The following PHIP variants were observed in gnomAD, a reference collection of about 807,000 sequenced individuals.
PHIP encodes PH-interacting protein.
In PHIP, 54 loss-of-function variants were observed where a neutral mutation model predicts 236.8. That is an observed-to-expected ratio of 0.23 (90% CI 0.18 to 0.29). PHIP has a LOEUF of 0.29. Ranked by LOEUF, PHIP falls within the 10% of genes least tolerant of loss-of-function variation. PHIP has a pLI of 1.00. For synonymous variants in PHIP, 756 were observed against 718.9 expected, an observed-to-expected ratio of 1.05 and a Z score of -0.83; for missense variants, 1,370 against 2,190.8, an observed-to-expected ratio of 0.63 and a Z score of 7.48.
intron 6 of PHIP, among the ~76,000 whole-genome samples, chr6:79,049,866 G>C (rs1772697471): frequency 6.6e-6 from 1 of 152,146 alleles, no homozygotes; most frequent in South Asian, 2.1e-4. Context: ...ATTTCTATCA[G>C]ATAAATGTAT....
At chr6:79,000,331 A>G (rs1224093548) in intron 17 of PHIP, among the ~76,000 whole-genome samples, 1 of 151,942 alleles carries the variant, frequency 6.6e-6, no homozygotes, top group East Asian at 1.9e-4. Flanking sequence ...CATTTTTAAG[A>G]TTATGCCTAT....
At chr6:79,059,591 T>TTATTTATATATATATATA (rs1235977083) in intron 6 of PHIP, among the ~76,000 whole-genome samples, 5 of 84,756 alleles carry the variant, frequency 5.9e-5, no homozygotes, top group African/African-American at 2.4e-4. Flanking sequence ...GAAAGCAAAA[T>TTATTTATATATATATATA]TATATATATA....
rs769344926 is a variant in PHIP at position 78,945,302 on chromosome 6, T to G, written c.4826A>C (p.Gln1609Pro). Residue 1609 changes from glutamine (Q) to proline (P), a missense_variant and splice_region_variant, in exon 39 of 40, where the codon CAA becomes CCA. Transcript: ENST00000275034. ...GAAAGATACAAGTAATACCTTACCT[T>G]GCTCAATGACAGCTGATGACTTTGA... The part of the protein sequence containing the change: ...TLSKSSAVIE[Q>P]GDCKNNALVP... 5.0e-6 allele frequency: 8 copies of G among 1,600,698 alleles called. No individual in the cohort carries two copies. In the East Asian group the frequency reaches 1.8e-4, roughly 36 times the overall value.
intron 31 of PHIP, among the ~76,000 whole-genome samples, chr6:78,960,582 A>G (rs1328148670): frequency 2.0e-5 from 3 of 152,104 alleles, no homozygotes; most frequent in East Asian, 3.8e-4. Flanking sequence ...TTTTTGACAA[A>G]TATCAAGGAA....
intron 9 of PHIP, among the ~76,000 whole-genome samples, chr6:79,024,616 A>G (rs937340695): frequency 6.6e-6 from 1 of 152,142 alleles, no homozygotes; most frequent in African/African-American, 2.4e-5. Context: ...CATCCTGGCT[A>G]ACACGGTGAA....
At chr6:78,955,972 G>A in intron 32 of PHIP, 1 of 208,458 alleles carries the variant, frequency 4.8e-6, no homozygotes, top group Non-Finnish European at 9.5e-6. Flanking sequence ...TCTTCAAACA[G>A]CTAATACATT....
At chr6:78,957,237 C>A (rs944717082) in intron 32 of PHIP, 5 of 151,874 alleles carry the variant, frequency 3.3e-5, no homozygotes, top group African/African-American at 1.2e-4. Context: ...TATGAATATA[C>A]TATCTCATGT....
intron 35 of PHIP, among the ~76,000 whole-genome samples, chr6:78,953,547 G>A (rs768466767): frequency 1.4e-4 from 22 of 152,154 alleles, no homozygotes; most frequent in Non-Finnish European, 2.4e-4. Context: ...TATAGCATCA[G>A]CTCAGTCCCA....
At chr6:79,051,919 G>GT (rs145137090) in intron 6 of PHIP, among the ~76,000 whole-genome samples, 1,716 of 149,980 alleles carry the variant, frequency 0.011, 26 homozygotes, top group South Asian at 0.02. Flanking sequence ...TAAGTTAGGT[G>GT]GTTTTTTTTA....
At chr6:79,038,223 G>A (rs1772039421) in intron 7 of PHIP, among the ~76,000 whole-genome samples, 1 of 152,222 alleles carries the variant, frequency 6.6e-6, no homozygotes, top group Admixed American at 6.5e-5. Flanking sequence ...ATTACTCACA[G>A]TTCTGGAGGC....
intron 29 of PHIP, among the ~76,000 whole-genome samples, chr6:78,964,682 G>A (rs376363446): frequency 2.0e-5 from 3 of 151,960 alleles, no homozygotes; most frequent in East Asian, 1.9e-4. Context: ...TAGTTGAGAC[G>A]GGGTTTCACC....
intron 7 of PHIP, among the ~76,000 whole-genome samples, chr6:79,042,267 A>T (rs1016507322): frequency 9.2e-5 from 14 of 152,162 alleles, no homozygotes; most frequent in Middle Eastern, 3.4e-3. Context: ...AAGAAACAAT[A>T]ACAAATAAAC....
intron 15 of PHIP, among the ~76,000 whole-genome samples, chr6:79,009,610 A>C (rs917302921): frequency 6.6e-6 from 1 of 152,090 alleles, no homozygotes; most frequent in Admixed American, 6.6e-5. Flanking sequence ...TGTGGTCCTC[A>C]TATTTTGTGC....
At chr6:78,947,456 T>C (rs1773888481) in intron 36 of PHIP, among the ~76,000 whole-genome samples, 167 bp downstream of exon 36, 1 of 152,194 alleles carries the variant, frequency 6.6e-6, no homozygotes, top group Admixed American at 6.5e-5. Flanking sequence ...TGTTATTTCA[T>C]ACAAGGAGCT....
At position 78,947,636 on chromosome 6, in the gene PHIP, CT is replaced by C; in HGVS notation, c.4192del (p.Ser1398AlafsTer9). 7.0e-7 allele frequency: 1 copy of C among 1,434,818 alleles called. No individual in the cohort carries two copies. The highest frequency in any genetic ancestry group is 9.8e-7 in the Non-Finnish European group (1 of 1,022,688). The allele number at this position is 1,434,818 out of a possible 1,614,324, so 88.9% of individuals were successfully genotyped here. On this transcript the variant is annotated frameshift_variant, in exon 36 of 40. Coordinates refer to ENST00000275034, the MANE Select transcript of PHIP (RefSeq NM_017934.7). LOFTEE classifies it high-confidence loss of function. The stretch of plus-strand genomic sequence containing the variant: ...GTAATTATATACCCTTGATCTTTTG[CT>C]TGGTGTATATGCTTTGGAATTACTG... ...IFSNSKAYTP[S>X]KRSRIYSMSL...
At chr6:79,021,020 A>AGAT (rs748313275) in intron 9 of PHIP, among the ~76,000 whole-genome samples, 33 of 152,260 alleles carry the variant, frequency 2.2e-4, no homozygotes, top group Non-Finnish European at 4.3e-4. Context: ...ACACACACAT[A>AGAT]GATGCTTTGG....
chr6:79,061,433 G>A lies in PHIP; in HGVS notation c.190-615C>T, dbSNP rs184728637. Among the ~76,000 whole-genome samples, 126 of 152,042 alleles carry A rather than the reference G, an allele frequency of 8.3e-4. 1 individual carries two copies. The highest frequency in any genetic ancestry group is 2.8e-3 in the African/African-American group (117 of 41,462). ...TTTTCACTTTTTCTCATGAATGCAC[G>A]GTGGAGGTTTCCACAGGACACATAA... On this transcript the variant is annotated intron_variant, in intron 4 of 39. Coordinates refer to ENST00000275034, the MANE Select transcript of PHIP (RefSeq NM_017934.7).
chr6:79,038,172 CA>C (rs1185974761), intron 7 of PHIP, among the ~76,000 whole-genome samples: 9 of 152,308 alleles, frequency 5.9e-5, no homozygotes, highest in African/African-American at 2.2e-4. Context: ...GCTGCTATAA[CA>C]AAATACCTTA....
rs752534420 is a variant in PHIP at position 78,998,266 on chromosome 6, G to A, written c.2005C>T (p.Arg669Cys). 18 of 1,609,022 alleles carry A rather than the reference G, an allele frequency of 1.1e-5. No individual in the cohort carries two copies. The highest frequency in any genetic ancestry group is 9.4e-5 in the African/African-American group (7 of 74,716). The stretch of plus-strand genomic sequence containing the variant: ...AATACCTGCTTACCTCTACTTAAAC[G>A]GCTGGTATTACTGATAACTGCTTCA... ...SGEAVISNTS[R>C]LSRGSISSTS... Residue 669 changes from arginine (R) to cysteine (C), a missense_variant, in exon 18 of 40, where the codon CGT becomes TGT. Around this residue, in one of 14 missense-constraint regions of PHIP, gnomAD observed 133 missense variants for 245.2 expected, o/e 0.54. Transcript: ENST00000275034.
Sources: allele counts gnomAD v4.1 joint callset (sites outside exome capture counted in the v4.1 genomes callset), GRCh38; gene constraint gnomAD v4.1.1; regional missense constraint gnomAD v4.1.1; transcripts MANE v1.5; gene names NCBI Gene and HGNC (gene_info 2026-07-23, HGNC 2026-07-21).